FOCAD: variants seen among roughly 807,000 people sequenced by gnomAD.
FOCAD encodes focadhesin.
A neutral mutation model predicts 225.6 loss-of-function variants in FOCAD; 198 were observed. The ratio of observed to expected loss-of-function variants is 0.88; its 90% CI spans 0.78 to 0.99. FOCAD has a LOEUF of 0.99. FOCAD is among the 50% of genes least tolerant of loss of function. The pLI, the probability that FOCAD is intolerant of heterozygous loss-of-function variation, is 0.00. For missense variants in FOCAD, 2,713 were observed against 2,123.6 expected (o/e 1.28, Z -5.46); for synonymous variants, 897 against 755.0 (o/e 1.19, Z -3.08).
At chr9:20,718,188 C>G (rs1825490992) in intron 3 of FOCAD, among the ~76,000 whole-genome samples, 2 of 152,138 alleles carry the variant, frequency 1.3e-5, no homozygotes, top group Admixed American at 1.3e-4. Context: ...AGAGTTACCT[C>G]TGAGGGAATT....
At chr9:20,815,781 T>C (rs891943334) in intron 11 of FOCAD, among the ~76,000 whole-genome samples, 2 of 152,130 alleles carry the variant, frequency 1.3e-5, no homozygotes, top group African/African-American at 2.4e-5. Context: ...TGAGCATTCA[T>C]TGTATTTTCA....
intron 35 of FOCAD, among the ~76,000 whole-genome samples, chr9:20,970,468 T>C (rs1839669804): frequency 6.6e-6 from 1 of 152,114 alleles, no homozygotes; most frequent in Admixed American, 6.6e-5. Flanking sequence ...ATTTAATCCC[T>C]CTAGTGAGTT....
chr9:20,865,076 A>G (rs1161925483), intron 16 of FOCAD, among the ~76,000 whole-genome samples: 1 of 152,092 alleles, frequency 6.6e-6, no homozygotes, highest in Non-Finnish European at 1.5e-5. Context: ...GCATTATACC[A>G]TGTTATCAGT....
intron 2 of FOCAD, among the ~76,000 whole-genome samples, chr9:20,678,177 T>C (rs1822290602): frequency 6.6e-6 from 1 of 152,206 alleles, no homozygotes; most frequent in Non-Finnish European, 1.5e-5. Context: ...CTGAGTCACA[T>C]AAAAATTTGG....
chr9:20,727,050 TG>T (rs1208724056), intron 4 of FOCAD, among the ~76,000 whole-genome samples: 2 of 151,516 alleles, frequency 1.3e-5, no homozygotes, highest in East Asian at 3.8e-4. Context: ...ATTGATATTA[TG>T]GCTTATTTAA....
At chr9:20,892,848 A>C (rs983608320) in intron 21 of FOCAD, among the ~76,000 whole-genome samples, 1 of 152,172 alleles carries the variant, frequency 6.6e-6, no homozygotes, top group Non-Finnish European at 1.5e-5. Context: ...TAAGCAATGG[A>C]GCAAACTTCA....
chr9:20,962,455 C>CATACATACA (rs1017590932), intron 35 of FOCAD, among the ~76,000 whole-genome samples: 2 of 151,698 alleles, frequency 1.3e-5, no homozygotes, highest in African/African-American at 4.9e-5. Flanking sequence ...TACATACATA[C>CATACATACA]ACTAGATAAT....
chr9:20,960,968 C>T (rs1015132179), intron 35 of FOCAD, among the ~76,000 whole-genome samples: 9 of 151,960 alleles, frequency 5.9e-5, no homozygotes, highest in African/African-American at 2.2e-4. Context: ...ATTTATGTGC[C>T]ACATTTTCTT....
chr9:20,929,665 G>A, intron 27 of FOCAD, 69 bp downstream of exon 27: 1 of 1,267,598 alleles, frequency 7.9e-7, no homozygotes, highest in Non-Finnish European at 1.1e-6. Flanking sequence ...GCACCCATAT[G>A]CACCTATATA....
intron 15 of FOCAD, among the ~76,000 whole-genome samples, chr9:20,823,811 G>C (rs369328006): frequency 1.2e-4 from 18 of 152,206 alleles, no homozygotes; most frequent in African/African-American, 4.3e-4. Context: ...GGTTGATAAT[G>C]ATAGTAATGA....
At chr9:20,808,609 G>A (rs940788557) in intron 11 of FOCAD, among the ~76,000 whole-genome samples, 4 of 152,170 alleles carry the variant, frequency 2.6e-5, no homozygotes, top group Non-Finnish European at 4.4e-5. Flanking sequence ...GAACATACAC[G>A]AGGTTCAGTG....
intron 1 of FOCAD, chr9:20,684,829 G>C (rs1822563473): frequency 6.6e-6 from 1 of 152,298 alleles, no homozygotes; most frequent in Non-Finnish European, 1.5e-5. Flanking sequence ...AGCAGGGCCT[G>C]TTTTCAGTCT....
chr9:20,795,220 A>G (rs1455369011), intron 11 of FOCAD, among the ~76,000 whole-genome samples: 1 of 152,212 alleles, frequency 6.6e-6, no homozygotes, highest in Non-Finnish European at 1.5e-5. Flanking sequence ...ATCTTACCTT[A>G]TTAGTAACAA....
At chr9:20,659,740 A>AT (rs1365793818) in intron 2 of FOCAD, among the ~76,000 whole-genome samples, 2 of 152,204 alleles carry the variant, frequency 1.3e-5, no homozygotes, top group African/African-American at 4.8e-5. Flanking sequence ...TCATTGAAAG[A>AT]TTTTATGCAG....
intron 1 of FOCAD, among the ~76,000 whole-genome samples, chr9:20,707,559 G>A (rs1184841590): frequency 6.6e-6 from 1 of 152,082 alleles, no homozygotes; most frequent in African/African-American, 2.4e-5. Flanking sequence ...TATATACTGT[G>A]TTCTTACAAC....
At chr9:20,964,566 T>A (rs1384064693) in intron 35 of FOCAD, among the ~76,000 whole-genome samples, 1 of 151,994 alleles carries the variant, frequency 6.6e-6, no homozygotes, top group Non-Finnish European at 1.5e-5. Flanking sequence ...AGATGGAGTC[T>A]TGCTCTGTTG....
At position 20,690,116 on chromosome 9, in the gene FOCAD, A is replaced by G. The variant is rs565311204; in HGVS notation, c.-33+5823A>G. On this transcript the variant is annotated intron_variant, in intron 1 of 43. Transcript: ENST00000338382. ...AGGAAATGCCTTAATGTGAATGGCA[A>G]TTGCCATGAATGTGGGAGATTGGCA... Among the ~76,000 whole-genome samples, 5 of 152,314 alleles carry G rather than the reference A, an allele frequency of 3.3e-5. No individual in the cohort carries two copies. The South Asian group carries it at 8.3e-4, about 25-fold the overall frequency.
At chr9:20,834,217 C>T (rs1369177711) in intron 15 of FOCAD, among the ~76,000 whole-genome samples, 1 of 151,896 alleles carries the variant, frequency 6.6e-6, no homozygotes, top group Non-Finnish European at 1.5e-5. Flanking sequence ...CCAAACACCG[C>T]ATGTTGTCAC....
intron 8 of FOCAD, among the ~76,000 whole-genome samples, chr9:20,774,019 C>G (rs1271059945): frequency 6.6e-6 from 1 of 152,222 alleles, no homozygotes; most frequent in Non-Finnish European, 1.5e-5. Flanking sequence ...GCATTAGATT[C>G]TCACAGGAGC....
Sources: allele counts gnomAD v4.1 joint callset (sites outside exome capture counted in the v4.1 genomes callset), GRCh38; gene constraint gnomAD v4.1.1; transcripts MANE v1.5; gene names NCBI Gene and HGNC (gene_info 2026-07-23, HGNC 2026-07-21).